Variants in ITGB1 observed in about 807,000 individuals in gnomAD.
ITGB1 encodes integrin subunit beta 1, also known as integrin beta-1.
Under a neutral mutation model 86.5 loss-of-function variants are expected in ITGB1, and 24 were observed. The ratio of observed to expected loss-of-function variants is 0.28; its 90% CI spans 0.20 to 0.39. The LOEUF (loss-of-function observed/expected upper bound fraction) is 0.39. Among genes scored for constraint, ITGB1 ranks in the 10% least tolerant of loss-of-function variants. The pLI is 1.00. For synonymous variants in ITGB1, 323 were observed against 316.8 expected (o/e 1.02, Z -0.21); for missense variants, 556 against 946.9 (o/e 0.59, Z 5.42).
In ITGB1 at chr10:32,900,744, A is replaced by AT. The variant is rs1268476847; in HGVS notation, c.*825dup. On this transcript the variant is annotated 3_prime_UTR_variant, in exon 16 of 16. Transcript: ENST00000302278. The stretch of plus-strand genomic sequence containing the variant: ...GAAGAGGTGACAGAAAGCACCAGAC[A>AT]TTAAACAAAATAAAAATAATAAAAT... 6.8e-6 allele frequency: 1 copy of AT among 146,608 alleles called. No individual in the cohort carries two copies. Among genetic ancestry groups the AT allele is most frequent in the East Asian group, 2.0e-4 (1 of 5,034 alleles). 9.1% of individuals were successfully genotyped at this position (146,608 alleles called of 1,614,324 possible).
chr10:32,946,749 T>G (rs890042153), intron 1 of ITGB1, among the ~76,000 whole-genome samples: 8 of 25,108 alleles, frequency 3.2e-4, no homozygotes, highest in African/African-American at 1.1e-3. Flanking sequence ...TATGTATTTC[T>G]GGGGGGGGGG....
At chr10:32,937,953 T>C (rs1009491123) in intron 1 of ITGB1, among the ~76,000 whole-genome samples, 1 of 152,210 alleles carries the variant, frequency 6.6e-6, no homozygotes, top group Non-Finnish European at 1.5e-5. Flanking sequence ...TCAGAGAGAA[T>C]GCTTTAAGTT....
At chr10:32,913,457 CGT>C (rs2094920473) in intron 11 of ITGB1, among the ~76,000 whole-genome samples, 1 of 152,020 alleles carries the variant, frequency 6.6e-6, no homozygotes, top group Non-Finnish European at 1.5e-5. Context: ...GAATAAAGAG[CGT>C]AGAGAAGACC....
chr10:32,907,967 C>T (rs1593852798), intron 15 of ITGB1, among the ~76,000 whole-genome samples: 1 of 152,120 alleles, frequency 6.6e-6, no homozygotes, highest in East Asian at 1.9e-4. Flanking sequence ...TGGTATATAA[C>T]CTTTTGAATC....
chr10:32,907,072 G>A (rs199527768), intron 15 of ITGB1: 5 of 1,355,514 alleles, frequency 3.7e-6, no homozygotes, highest in Non-Finnish European at 3.9e-6. Context: ...CGGCAATTTA[G>A]AGACCAGCTT....
chr10:32,906,289 GT>G (rs1398378626), intron 15 of ITGB1, among the ~76,000 whole-genome samples: 1 of 152,084 alleles, frequency 6.6e-6, no homozygotes, highest in Non-Finnish European at 1.5e-5. Context: ...TAACAAATTT[GT>G]TATTTAAGGA....
At chr10:32,933,452 A>T (rs927135036) in intron 2 of ITGB1, 3 of 152,204 alleles carry the variant, frequency 2.0e-5, no homozygotes, top group African/African-American at 7.2e-5. Flanking sequence ...CTCTATGTTC[A>T]AAGTATGTTT....
At chr10:32,921,382 TC>T (rs1410044403) in intron 9 of ITGB1, among the ~76,000 whole-genome samples, 1 of 151,960 alleles carries the variant, frequency 6.6e-6, no homozygotes, top group East Asian at 1.9e-4. Flanking sequence ...TAAAAACCCC[TC>T]CAAGTCAGGC....
rs750454994 is a variant in ITGB1 at position 32,920,305 on chromosome 10, G to A, written c.1209C>T (p.Asn403=). ...CATTTTCCCCTGTTCCATTCACCCCGTTCTTGCAGTAAGATTTGTAACTTA... is the reference window on the plus strand; with the variant it reads ...CATTTTCCCCTGTTCCATTCACCCCATTCTTGCAGTAAGATTTGTAACTTA... The part of the protein sequence containing the change: ...VTISYKSYCK[N]GVNGTGENGR... Residue 403 remains asparagine, a synonymous_variant, in exon 10 of 16, where the codon AAC becomes AAT. Transcript: ENST00000302278. 27 of 1,612,944 alleles carry A rather than the reference G, an allele frequency of 1.7e-5. No individual in the cohort carries two copies. The highest frequency in any genetic ancestry group is 2.2e-5 in the East Asian group (1 of 44,810).
Position 32,917,669 on chromosome 10 carries a change from C to T in ITGB1, c.1469+2216G>A, listed in dbSNP as rs555030679. Among the ~76,000 whole-genome samples the T allele has an allele frequency of 5.9e-5, 9 of 152,154 alleles. No individual in the cohort carries two copies. In the South Asian group the frequency reaches 6.2e-4, roughly 11 times the overall value. On this transcript the variant is annotated intron_variant, in intron 11 of 15. Transcript: ENST00000302278. ...TACCATCTCACACCAGTTAGAATGG[C>T]GATCATTAAAAAGTCAGGAAAACAA...
intron 11 of ITGB1, among the ~76,000 whole-genome samples, chr10:32,919,542 ATTT>A (rs2094942176): frequency 6.6e-6 from 1 of 152,200 alleles, no homozygotes; most frequent in Non-Finnish European, 1.5e-5. Flanking sequence ...TTTCCAAAAC[ATTT>A]TCCTATAAAC....
rs1593869024 is a variant in ITGB1, at chr10:32,925,787, T to C, written c.786+84A>G. 5 of 873,844 alleles carry C rather than the reference T, an allele frequency of 5.7e-6. No individual in the cohort carries two copies. The East Asian group carries it at 1.2e-4, about 21-fold the overall frequency. 54.1% of individuals were successfully genotyped at this position (873,844 alleles called of 1,614,324 possible). A position where few individuals can be genotyped will look rare whatever the true frequency, so the allele number is the denominator to read the frequency against. ...AAATCTATGAAAATTAAGGTCAATT[T>C]TTCTATTATCATAGTAAAATCACAC... On this transcript the variant is annotated intron_variant, in intron 6 of 15. Coordinates refer to ENST00000302278, the MANE Select transcript of ITGB1 (RefSeq NM_002211.4).
At chr10:32,913,545 G>A (rs1337704042) in intron 11 of ITGB1, among the ~76,000 whole-genome samples, 1 of 152,116 alleles carries the variant, frequency 6.6e-6, no homozygotes, top group Non-Finnish European at 1.5e-5. Flanking sequence ...TAGCCGATTC[G>A]ATCCAGTGGA....
At chr10:32,903,178 C>T (rs190531317) in intron 15 of ITGB1, among the ~76,000 whole-genome samples, 1 of 151,342 alleles carries the variant, frequency 6.6e-6, no homozygotes, top group African/African-American at 2.4e-5. Context: ...ACGGTAAAAC[C>T]CCGTCTCTAC....
chr10:32,912,210 C>T, intron 11 of ITGB1, 86 bp from the exon 12 acceptor site: 4 of 1,023,844 alleles, frequency 3.9e-6, no homozygotes, highest in African/African-American at 1.6e-5. Context: ...CAGCTCTAGT[C>T]TACAGCTCCC....
Position 32,947,431 on chromosome 10 carries a change from C to CTGTGTGTG in ITGB1, c.-1+10713_-1+10714insCACACACA, listed in dbSNP as rs1298170328. 3.0e-4 allele frequency among the ~76,000 whole-genome samples: 11 copies of CTGTGTGTG among 36,730 alleles called. No homozygotes were observed. The South Asian group carries it at 0.015, about 50-fold the overall frequency. 24.1% of individuals were successfully genotyped at this position (36,730 alleles called of 152,430 possible). ...CTAAAGCCAGGTGATTCACATATAG[C>CTGTGTGTG]CGTGTGTGTGTGTGTGTGTGTGTGT... On this transcript the variant is annotated intron_variant, in intron 1 of 15. Transcript: ENST00000302278.
At chr10:32,912,427 C>G (rs1196142756) in intron 11 of ITGB1, among the ~76,000 whole-genome samples, 1 of 152,200 alleles carries the variant, frequency 6.6e-6, no homozygotes, top group Non-Finnish European at 1.5e-5. Context: ...CCTGGAAAAT[C>G]AGGACACTCC....
At chr10:32,931,685 A>T (rs1173273831) in intron 3 of ITGB1, among the ~76,000 whole-genome samples, 2 of 152,156 alleles carry the variant, frequency 1.3e-5, no homozygotes. Context: ...ACCATACGAC[A>T]TATCTGACAC....
intron 9 of ITGB1, 147 bp from the exon 10 acceptor site, chr10:32,920,532 G>A: frequency 1.6e-5 from 10 of 634,110 alleles, no homozygotes; most frequent in South Asian, 6.5e-5. Context: ...AAAACACAGA[G>A]GCCAGAGAAA....
Sources: allele counts gnomAD v4.1 joint callset (sites outside exome capture counted in the v4.1 genomes callset), GRCh38; gene constraint gnomAD v4.1.1; transcripts MANE v1.5; gene names NCBI Gene and HGNC (gene_info 2026-07-23, HGNC 2026-07-21).